Variants in PRKAG2 observed in about 807,000 individuals in gnomAD.
The protein encoded by PRKAG2 is protein kinase AMP-activated non-catalytic subunit gamma 2.
In PRKAG2, 26 loss-of-function variants were observed where a neutral mutation model predicts 69.6. That is an observed-to-expected ratio of 0.37 (90% CI 0.27 to 0.52). The LOEUF is 0.52. PRKAG2 is among the 20% of genes least tolerant of loss of function. PRKAG2 has a pLI of 0.90. For missense variants in PRKAG2, 557 were observed against 740.0 expected (o/e 0.75, Z 2.87); for synonymous variants, 293 against 285.0 (o/e 1.03, Z -0.28).
intron 3 of PRKAG2, among the ~76,000 whole-genome samples, chr7:151,697,748 C>T (rs529632664): frequency 3.9e-5 from 6 of 152,102 alleles, no homozygotes; most frequent in Admixed American, 1.3e-4. Context: ...GAGGCAGGTG[C>T]CGGGAGCAGA....
At chr7:151,594,167 C>T (rs1280969357) in intron 6 of PRKAG2, among the ~76,000 whole-genome samples, 1 of 152,210 alleles carries the variant, frequency 6.6e-6, no homozygotes, top group Non-Finnish European at 1.5e-5. Flanking sequence ...AAGGCTCAGG[C>T]TGAGGCAGCC....
intron 5 of PRKAG2, among the ~76,000 whole-genome samples, chr7:151,617,211 A>C (rs1001088392): frequency 6.9e-6 from 1 of 144,848 alleles, no homozygotes; most frequent in Non-Finnish European, 1.5e-5. Context: ...CAGTGAGCCA[A>C]GATCACGCTG....
In PRKAG2 at chr7:151,560,337, T is replaced by C. The variant is rs984864865; in HGVS notation, c.1678+187A>G. Reference sequence around the variant, plus strand: ...TTAACTTCGAATACGTTCTATACACTTTCCTCACTCACGCAGAACACTTAA... The same window carrying C: ...TTAACTTCGAATACGTTCTATACACCTTCCTCACTCACGCAGAACACTTAA... On this transcript the variant is annotated intron_variant, in intron 15 of 15. Coordinates refer to ENST00000287878, the MANE Select transcript of PRKAG2 (RefSeq NM_016203.4). 2.6e-6 allele frequency: 4 copies of C among 1,510,546 alleles called. No homozygotes were observed. In the African/African-American group the frequency reaches 5.5e-5, roughly 21 times the overall value. The allele number at this position is 1,510,546 out of a possible 1,614,324, so 93.6% of individuals were successfully genotyped here.
intron 4 of PRKAG2, among the ~76,000 whole-genome samples, chr7:151,652,688 T>A (rs1828733081): frequency 6.6e-6 from 1 of 151,742 alleles, no homozygotes; most frequent in Admixed American, 6.6e-5. Flanking sequence ...CAGGCTAGAG[T>A]ACAATGGCAT....
At chr7:151,867,405 C>T (rs1388150687) in intron 1 of PRKAG2, among the ~76,000 whole-genome samples, 2 of 152,196 alleles carry the variant, frequency 1.3e-5, no homozygotes, top group Non-Finnish European at 2.9e-5. Context: ...TTCCTTGCCT[C>T]TTCCACCCTT....
intron 1 of PRKAG2, among the ~76,000 whole-genome samples, chr7:151,851,334 C>A (rs2079562173): frequency 6.7e-6 from 1 of 148,408 alleles, no homozygotes; most frequent in South Asian, 2.1e-4. Context: ...GAGTTTGGGG[C>A]CTCTGGCAAA....
In PRKAG2 at chr7:151,833,175, G is replaced by A. The variant is rs150026105; in HGVS notation, c.114+43332C>T. Among the ~76,000 whole-genome samples, 385 of 152,340 alleles carry A rather than the reference G, an allele frequency of 2.5e-3. 1 individual carries two copies. Among genetic ancestry groups the A allele is most frequent in the African/African-American group, 8.3e-3 (344 of 41,578 alleles). The stretch of plus-strand genomic sequence containing the variant: ...AGGTGTGATCAGTGCAACAGAGAGC[G>A]CGTGAGTCTTTTGATTAGATGGTCA... On this transcript the variant is annotated intron_variant, in intron 1 of 15. Coordinates refer to ENST00000287878, the MANE Select transcript of PRKAG2 (RefSeq NM_016203.4).
rs1797387845 is a variant in PRKAG2, at chr7:151,723,170, A to AAT, written c.467-47535_467-47534dup. On this transcript the variant is annotated intron_variant, in intron 3 of 15. Coordinates refer to ENST00000287878, the MANE Select transcript of PRKAG2 (RefSeq NM_016203.4). Reference sequence around the variant, plus strand: ...TTAGAATCAGTGTTCTGTCACCTCCAATACCCTTTCCCTAATGCCCAGTTG... The same window carrying AAT: ...TTAGAATCAGTGTTCTGTCACCTCCAATATACCCTTTCCCTAATGCCCAGTTG... 5.3e-5 allele frequency among the ~76,000 whole-genome samples: 8 copies of AAT among 152,254 alleles called. No individual in the cohort carries two copies. The South Asian group carries it at 1.7e-3, about 32-fold the overall frequency.
chr7:151,840,041 A>T (rs1015667974), intron 1 of PRKAG2, among the ~76,000 whole-genome samples: 1 of 152,182 alleles, frequency 6.6e-6, no homozygotes, highest in Non-Finnish European at 1.5e-5. Context: ...TGGACACTGA[A>T]AGAGGAGTGA....
At chr7:151,833,933 C>A (rs11765309) in intron 1 of PRKAG2, among the ~76,000 whole-genome samples, 31,791 of 152,230 alleles carry the variant, frequency 0.21, 3,943 homozygotes, top group Middle Eastern at 0.32. Flanking sequence ...ATTTCCACCT[C>A]ACCGTCCATC....
intron 3 of PRKAG2, among the ~76,000 whole-genome samples, chr7:151,687,324 A>G (rs1434975596): frequency 8.2e-6 from 1 of 121,556 alleles, no homozygotes; most frequent in Non-Finnish European, 1.9e-5. Flanking sequence ...GCCACTTAGA[A>G]AGCAGTCCTG....
At position 151,632,442 on chromosome 7, in the gene PRKAG2, G is replaced by A; in HGVS notation, c.685-304C>T. ...CGGGAGGAAGCGTGGGAAGGGACCC[G>A]GGAGCTCGAGGGCGGCAGCGCCTGG... is the stretch of plus-strand genomic sequence containing the variant. On this transcript the variant is annotated intron_variant, in intron 4 of 15. Coordinates refer to ENST00000287878, the MANE Select transcript of PRKAG2 (RefSeq NM_016203.4). The surrounding 1 kb of genome is among the most constrained non-coding windows in gnomAD (Gnocchi z 4.2). The A allele has an allele frequency of 6.9e-6, 4 of 580,036 alleles. No homozygotes were observed. In the South Asian group the frequency reaches 3.0e-4, roughly 44 times the overall value. The allele number at this position is 580,036 out of a possible 1,614,324, so 35.9% of individuals were successfully genotyped here.
At chr7:151,827,754 A>AAAAAT (rs2078934937) in intron 1 of PRKAG2, among the ~76,000 whole-genome samples, 1 of 147,820 alleles carries the variant, frequency 6.8e-6, no homozygotes, top group Non-Finnish European at 1.5e-5. Context: ...GTAAAAAAAA[A>AAAAAT]AAAAAAAAAA....
chr7:151,634,885 GAGAC>G (rs1285953989), intron 4 of PRKAG2, among the ~76,000 whole-genome samples: 3 of 149,990 alleles, frequency 2.0e-5, no homozygotes, highest in Non-Finnish European at 4.4e-5. Flanking sequence ...AGGATGTAGA[GAGAC>G]AGACAGGATT....
At chr7:151,853,088 T>C (rs1319889601) in intron 1 of PRKAG2, among the ~76,000 whole-genome samples, 2 of 152,198 alleles carry the variant, frequency 1.3e-5, no homozygotes, top group Non-Finnish European at 1.5e-5. Context: ...CACTTTTTAC[T>C]GTGTCCCTCG....
At chr7:151,663,404 C>G (rs557586208) in intron 4 of PRKAG2, among the ~76,000 whole-genome samples, 108 of 152,332 alleles carry the variant, frequency 7.1e-4, no homozygotes, top group African/African-American at 2.3e-3. Flanking sequence ...CAAACAGGGT[C>G]TCAGTCCTCT....
At chr7:151,598,913 T>A (rs1815303752) in intron 5 of PRKAG2, among the ~76,000 whole-genome samples, 2 of 152,008 alleles carry the variant, frequency 1.3e-5, no homozygotes, top group Admixed American at 1.3e-4. Flanking sequence ...GTGCAGTGGC[T>A]AGATCTTGGC....
At position 151,594,894 on chromosome 7, in the gene PRKAG2, G is replaced by C. The variant is rs544668449; in HGVS notation, c.864+451C>G. ...GCTCACTGCAACCTCTGCCTCCTGGGTTCAAGCGACTCTCCTGTCTCAGGG... is the reference window on the plus strand; with the variant it reads ...GCTCACTGCAACCTCTGCCTCCTGGCTTCAAGCGACTCTCCTGTCTCAGGG... On this transcript the variant is annotated intron_variant, in intron 6 of 15. Coordinates refer to ENST00000287878, the MANE Select transcript of PRKAG2 (RefSeq NM_016203.4). Among the ~76,000 whole-genome samples, 5 of 152,198 alleles carry C rather than the reference G, an allele frequency of 3.3e-5. No homozygotes were observed. The South Asian group carries it at 8.3e-4, about 25-fold the overall frequency.
intron 1 of PRKAG2, among the ~76,000 whole-genome samples, chr7:151,839,595 C>T (rs563757037): frequency 6.6e-6 from 1 of 152,368 alleles, no homozygotes; most frequent in African/African-American, 2.4e-5. Context: ...TAATGCTTCA[C>T]CCACGAGAAT....
Sources: allele counts gnomAD v4.1 joint callset (sites outside exome capture counted in the v4.1 genomes callset), GRCh38; gene constraint gnomAD v4.1.1; non-coding constraint Gnocchi (gnomAD v3.1); transcripts MANE v1.5; gene names NCBI Gene and HGNC (gene_info 2026-07-23, HGNC 2026-07-21).